NYAP1: variants seen among roughly 807,000 people sequenced by gnomAD.
NYAP1 encodes the protein neuronal tyrosine phosphorylated phosphoinositide-3-kinase adaptor 1, also known as neuronal tyrosine-phosphorylated phosphoinositide-3-kinase adapter 1.
In NYAP1, 20 loss-of-function variants were observed where a neutral mutation model predicts 58.6. The ratio of observed to expected loss-of-function variants is 0.34; its 90% CI spans 0.24 to 0.50. The LOEUF is 0.50. Ranked by LOEUF, NYAP1 falls within the 20% of genes least tolerant of loss-of-function variation. The probability of loss-of-function intolerance (pLI) is 0.98; values close to 1 mark genes in which losing one functional copy is unlikely to be tolerated. For synonymous variants in NYAP1, 572 were observed against 523.1 expected, an observed-to-expected ratio of 1.09 and a Z score of -1.27; for missense variants, 1,150 against 1,194.5, an observed-to-expected ratio of 0.96 and a Z score of 0.55.
chr7:100,484,674 C>T (rs943596920), intron 1 of NYAP1, among the ~76,000 whole-genome samples: 1 of 152,122 alleles, frequency 6.6e-6, no homozygotes, highest in Non-Finnish European at 1.5e-5. Context: ...GACCATCTCC[C>T]CTTTTCCCAG....
Position 100,488,998 on chromosome 7 carries a change from A to T in NYAP1, c.1277A>T (p.Asn426Ile). 6.3e-7 allele frequency: 1 copy of T among 1,576,174 alleles called. No individual in the cohort carries two copies. Among genetic ancestry groups the T allele is most frequent in the Non-Finnish European group, 8.6e-7 (1 of 1,168,732 alleles). ...CCCCGGGGGGAGCGGGAGCTCCCCA[A>T]CTCCCACAGCATGATCTGCCCTAAG... is the stretch of plus-strand genomic sequence containing the variant. The part of the protein sequence containing the change: ...GQPRGERELP[N>I]SHSMICPKAA... The change falls in exon 4 of 7, where the codon AAC becomes ATC. Residue 426 changes from asparagine (N) to isoleucine (I), a missense_variant. Transcript: ENST00000300179. The surrounding 1 kb of genome is among the most constrained non-coding windows in gnomAD (Gnocchi z 5.9).
chr7:100,493,789 C>T lies in NYAP1; in HGVS notation c.2412C>T (p.Cys804=). The stretch of plus-strand genomic sequence containing the variant: ...GCCACCGCCCGGACCGAGGCCTCTG[C>T]AAGCAGGAGAGCATGCCCATCCTCC... ...KARHRPDRGL[C]KQESMPILPS... Residue 804 remains cysteine, a synonymous_variant, in exon 7 of 7, where the codon TGC becomes TGT. Transcript: ENST00000300179. 1 of 1,604,248 alleles carries T rather than the reference C, an allele frequency of 6.2e-7. No homozygotes were observed. Among genetic ancestry groups the T allele is most frequent in the Non-Finnish European group, 8.5e-7 (1 of 1,177,738 alleles).
Position 100,487,228 on chromosome 7 carries a change from A to G in NYAP1, c.430+46A>G. 6.8e-7 allele frequency: 1 copy of G among 1,466,862 alleles called. No homozygotes were observed. 90.9% of individuals were successfully genotyped at this position (1,466,862 alleles called of 1,614,324 possible). ...CCCTGGGGTGGAGCTGGGAGCTGGG[A>G]GGATCTATTCCACGCCCGGGGAGGC... On this transcript the variant is annotated intron_variant, in intron 3 of 6. Transcript: ENST00000300179. The surrounding 1 kb of genome is among the most constrained non-coding windows in gnomAD (Gnocchi z 4.1).
chr7:100,490,658 G>A lies in NYAP1; in HGVS notation c.2087G>A (p.Gly696Glu), dbSNP rs1335382425. The change falls in exon 5 of 7, where the codon GGA (glycine) becomes GAA (glutamate). Residue 696 changes from glycine (G) to glutamate (E), a missense_variant. Transcript: ENST00000300179. The surrounding 1 kb of genome is among the most constrained non-coding windows in gnomAD (Gnocchi z 4.6). ...AEGLLARIHH[G>E]DRGGSRTALP... Reference sequence around the variant, plus strand: ...GGACTGCTGGCCAGGATCCACCATGGAGACCGAGGAGGGAGCCGCACCGCG... The same window carrying A: ...GGACTGCTGGCCAGGATCCACCATGAAGACCGAGGAGGGAGCCGCACCGCG... 2.6e-6 allele frequency: 4 copies of A among 1,565,244 alleles called. No homozygotes were observed. The highest frequency in any genetic ancestry group is 3.5e-6 in the Non-Finnish European group (4 of 1,155,340).
rs772931629 is a variant in NYAP1, at chr7:100,488,548, G to A, written c.827G>A (p.Arg276Gln). The part of the protein sequence containing the change: ...YPLPEEAGEG[R>Q]ANGPPPLTAT... Reference sequence around the variant, plus strand: ...CTGCCGGAAGAGGCTGGGGAAGGCCGGGCCAATGGCCCTCCACCATTGACG... The same window carrying A: ...CTGCCGGAAGAGGCTGGGGAAGGCCAGGCCAATGGCCCTCCACCATTGACG... Residue 276 changes from arginine (R) to glutamine (Q), a missense_variant, in exon 4 of 7, where the codon CGG becomes CAG. Physicochemically the swap from Arg to Gln is conservative, Grantham distance 43 (BLOSUM62 1). Transcript: ENST00000300179. The surrounding 1 kb of genome is among the most constrained non-coding windows in gnomAD (Gnocchi z 5.9). The A allele has an allele frequency of 6.8e-6, 11 of 1,611,820 alleles. No individual in the cohort carries two copies. Among genetic ancestry groups the A allele is most frequent in the East Asian group, 2.2e-5 (1 of 44,858 alleles).
rs772670701 is a variant in NYAP1 at position 100,486,781 on chromosome 7, G to A, written c.69-40G>A. On this transcript the variant is annotated intron_variant, in intron 2 of 6. Coordinates refer to ENST00000300179, the MANE Select transcript of NYAP1 (RefSeq NM_173564.4). The surrounding 1 kb of genome is among the most constrained non-coding windows in gnomAD (Gnocchi z 6.2). ...GTGGAGAAGGGGGATGCCCAGGTCC[G>A]AGGCCCTTCCTCCACTCCATCGTGG... is the stretch of plus-strand genomic sequence containing the variant. 4.0e-5 allele frequency: 57 copies of A among 1,425,968 alleles called. No individual in the cohort carries two copies. Among genetic ancestry groups the A allele is most frequent in the Middle Eastern group, 2.6e-4 (1 of 3,910 alleles). 88.3% of individuals were successfully genotyped at this position (1,425,968 alleles called of 1,614,324 possible).
chr7:100,491,611 AAAAG>A (rs1335498004), intron 6 of NYAP1, among the ~76,000 whole-genome samples: 23 of 151,906 alleles, frequency 1.5e-4, no homozygotes, highest in East Asian at 5.8e-4. Flanking sequence ...GAAAAAAAAA[AAAAG>A]AAAGAAAGGG....
rs368554898 is a variant in NYAP1 at position 100,488,601 on chromosome 7, G to C, written c.880G>C (p.Ala294Pro). ...TATSPPQQPHALPPHAHRRPA... is the reference protein window; with the variant it reads ...TATSPPQQPHPLPPHAHRRPA... ...AACATCCCCGCCACAACAGCCTCACGCCCTTCCGCCCCATGCCCACCGCCG... is the reference window on the plus strand; with the variant it reads ...AACATCCCCGCCACAACAGCCTCACCCCCTTCCGCCCCATGCCCACCGCCG... Residue 294 changes from alanine (A) to proline (P), a missense_variant, in exon 4 of 7, where the codon GCC (alanine) becomes CCC (proline). Transcript: ENST00000300179. The surrounding 1 kb of genome is among the most constrained non-coding windows in gnomAD (Gnocchi z 5.9). The C allele has an allele frequency of 6.2e-7, 1 of 1,610,506 alleles. No homozygotes were observed. The highest frequency in any genetic ancestry group is 1.7e-5 in the Admixed American group (1 of 59,728).
At position 100,489,430 on chromosome 7, in the gene NYAP1, G is replaced by A; in HGVS notation, c.1709G>A (p.Gly570Glu). 2 of 1,612,966 alleles carry A rather than the reference G, an allele frequency of 1.2e-6. No homozygotes were observed. Among genetic ancestry groups the A allele is most frequent in the Non-Finnish European group, 1.7e-6 (2 of 1,179,880 alleles). ...RPPAYESLKA[G>E]GVLNKGCGVG... ...CCTGCCTATGAGAGCCTCAAGGCTG[G>A]GGGGGTGCTGAATAAGGGCTGTGGT... The change falls in exon 4 of 7, where the codon GGG (glycine) becomes GAG (glutamate). Residue 570 changes from glycine to glutamate, a missense_variant. Coordinates refer to ENST00000300179, the MANE Select transcript of NYAP1 (RefSeq NM_173564.4).
In NYAP1 at chr7:100,490,442, G is replaced by A; in HGVS notation, c.1946-75G>A. The A allele has an allele frequency of 5.0e-6, 7 of 1,390,988 alleles. No homozygotes were observed. The highest frequency in any genetic ancestry group is 7.0e-6 in the Non-Finnish European group (7 of 1,001,296). 86.2% of individuals were successfully genotyped at this position (1,390,988 alleles called of 1,614,324 possible). On this transcript the variant is annotated intron_variant, in intron 4 of 6. Coordinates refer to ENST00000300179, the MANE Select transcript of NYAP1 (RefSeq NM_173564.4). This position sits in a 1 kb window ranked among gnomAD's most constrained non-coding sequence, Gnocchi z 4.6. ...TTGTGTCTCCTGGTCCACCCATACT[G>A]CAGCATGTGTGGCCAGAGGGACAGA...
In NYAP1 at chr7:100,488,875, C is replaced by T. The variant is rs750085796; in HGVS notation, c.1154C>T (p.Pro385Leu). ...VPARERETPP[P>L]PPPPPAANLL... ...GCACGGGAGCGGGAGACGCCTCCCC[C>T]ACCGCCTCCACCTCCTGCTGCCAAC... Residue 385 changes from proline (P) to leucine (L), a missense_variant, in exon 4 of 7, where the codon CCA becomes CTA. By Grantham distance (98) the Pro-to-Leu change is moderately conservative. Transcript: ENST00000300179. This position sits in a 1 kb window ranked among gnomAD's most constrained non-coding sequence, Gnocchi z 5.9. 2.5e-6 allele frequency: 4 copies of T among 1,599,138 alleles called. No homozygotes were observed. Among genetic ancestry groups the T allele is most frequent in the Non-Finnish European group, 3.4e-6 (4 of 1,175,070 alleles).
At position 100,493,888 on chromosome 7, in the gene NYAP1, G is replaced by T; in HGVS notation, c.2511G>T (p.Trp837Cys). 6.8e-7 allele frequency: 1 copy of T among 1,475,428 alleles called. No homozygotes were observed. 91.4% of individuals were successfully genotyped at this position (1,475,428 alleles called of 1,614,324 possible). The change falls in exon 7 of 7, where the codon TGG becomes TGT. Residue 837 changes from tryptophan (W) to cysteine (C), a missense_variant. Trp to Cys is a radical substitution (Grantham distance 215). Coordinates refer to ENST00000300179, the MANE Select transcript of NYAP1 (RefSeq NM_173564.4). The part of the protein sequence containing the change: ...PPCRRQHTVL[W>C]DTAI ...GCCGCCGGCAGCACACGGTCCTCTG[G>T]GACACCGCCATCTGAGGCGGGCGGG...
chr7:100,484,681 C>A (rs1799681672), intron 1 of NYAP1, among the ~76,000 whole-genome samples: 1 of 152,074 alleles, frequency 6.6e-6, no homozygotes, highest in African/African-American at 2.4e-5. Context: ...TCCCCTTTTC[C>A]CAGTGGGGTG....
At position 100,488,013 on chromosome 7, in the gene NYAP1, G is replaced by C. The variant is rs1171307096; in HGVS notation, c.431-139G>C. The C allele has an allele frequency of 3.2e-6, 2 of 618,582 alleles. No homozygotes were observed. Among genetic ancestry groups the C allele is most frequent in the Non-Finnish European group, 5.6e-6 (2 of 357,120 alleles). The allele number at this position is 618,582 out of a possible 1,614,324, so 38.3% of individuals were successfully genotyped here. On this transcript the variant is annotated intron_variant, in intron 3 of 6. Transcript: ENST00000300179. The surrounding 1 kb of genome is among the most constrained non-coding windows in gnomAD (Gnocchi z 5.9). ...AAAAAGAAATGAAGAAACCTCCTGG[G>C]GCTGTAAGTTGAGGAATGTGGGGAA... is the stretch of plus-strand genomic sequence containing the variant.
At position 100,488,123 on chromosome 7, in the gene NYAP1, T is replaced by C; in HGVS notation, c.431-29T>C. Reference sequence around the variant, plus strand: ...CTTGCTCCCCTCATTAAAAGCCTGGTTTATTTTTCTCTTTCTTGTCCTGTC... The same window carrying C: ...CTTGCTCCCCTCATTAAAAGCCTGGCTTATTTTTCTCTTTCTTGTCCTGTC... On this transcript the variant is annotated intron_variant, in intron 3 of 6. Coordinates refer to ENST00000300179, the MANE Select transcript of NYAP1 (RefSeq NM_173564.4). This position sits in a 1 kb window ranked among gnomAD's most constrained non-coding sequence, Gnocchi z 5.9. 6.6e-7 allele frequency: 1 copy of C among 1,521,386 alleles called. No individual in the cohort carries two copies. Among genetic ancestry groups the C allele is most frequent in the Non-Finnish European group, 8.8e-7 (1 of 1,133,616 alleles). 94.2% of individuals were successfully genotyped at this position (1,521,386 alleles called of 1,614,324 possible). A position where few individuals can be genotyped will look rare whatever the true frequency, so the allele number is the denominator to read the frequency against.
chr7:100,493,917 G>A lies in NYAP1; in HGVS notation c.*14G>A, dbSNP rs887853214. On this transcript the variant is annotated 3_prime_UTR_variant, in exon 7 of 7. Coordinates refer to ENST00000300179, the MANE Select transcript of NYAP1 (RefSeq NM_173564.4). The stretch of plus-strand genomic sequence containing the variant: ...ACCGCCATCTGAGGCGGGCGGGGGG[G>A]TACCGGGGCGCCTGGACTGGGGAGG... 1.1e-5 allele frequency: 15 copies of A among 1,427,076 alleles called. No individual in the cohort carries two copies. The highest frequency in any genetic ancestry group is 5.6e-5 in the Admixed American group (2 of 35,750). The allele number at this position is 1,427,076 out of a possible 1,614,324, so 88.4% of individuals were successfully genotyped here.
Position 100,488,840 on chromosome 7 carries a change from C to A in NYAP1, c.1119C>A (p.Pro373=). The change falls in exon 4 of 7, where the codon CCC becomes CCA. Residue 373 remains proline, a synonymous_variant. Coordinates refer to ENST00000300179, the MANE Select transcript of NYAP1 (RefSeq NM_173564.4). This position sits in a 1 kb window ranked among gnomAD's most constrained non-coding sequence, Gnocchi z 5.9. ...SKEPAGSTPA[P]QVPARERETP... ...AGCCAGCCGGCTCCACCCCAGCTCC[C>A]CAAGTGCCTGCACGGGAGCGGGAGA... 6.3e-7 allele frequency: 1 copy of A among 1,591,926 alleles called. No homozygotes were observed.
chr7:100,487,591 T>A lies in NYAP1; in HGVS notation c.430+409T>A, dbSNP rs1374906652. On this transcript the variant is annotated intron_variant, in intron 3 of 6. Coordinates refer to ENST00000300179, the MANE Select transcript of NYAP1 (RefSeq NM_173564.4). This position sits in a 1 kb window ranked among gnomAD's most constrained non-coding sequence, Gnocchi z 4.1. ...ATCTCAGCTCACTGCATCCTCCGCC[T>A]CCCAGGTTCAAGCAGTTCTCCTGCC... Among the ~76,000 whole-genome samples the A allele has an allele frequency of 6.6e-6, 1 of 151,910 alleles. No individual in the cohort carries two copies. The highest frequency in any genetic ancestry group is 1.9e-4 in the East Asian group (1 of 5,164).
At position 100,493,721 on chromosome 7, in the gene NYAP1, G is replaced by A. The variant is rs761836198; in HGVS notation, c.2344G>A (p.Val782Met). Reference protein sequence around the residue: ...ARERDGKLLEVIERKRCVCKE... With the variant: ...ARERDGKLLEMIERKRCVCKE... ...CGAGCGTGACGGGAAGCTGCTGGAG[G>A]TGATCGAGCGCAAGCGCTGCGTGTG... is the stretch of plus-strand genomic sequence containing the variant. The change falls in exon 7 of 7, where the codon GTG becomes ATG. Residue 782 changes from valine (V) to methionine (M), a missense_variant. Physicochemically the swap from Val to Met is conservative, Grantham distance 21. Coordinates refer to ENST00000300179, the MANE Select transcript of NYAP1 (RefSeq NM_173564.4). The A allele has an allele frequency of 3.7e-6, 6 of 1,601,988 alleles. No individual in the cohort carries two copies. In the South Asian group the frequency reaches 6.7e-5, roughly 18 times the overall value.
Sources: allele counts gnomAD v4.1 joint callset (sites outside exome capture counted in the v4.1 genomes callset), GRCh38; gene constraint gnomAD v4.1.1; non-coding constraint Gnocchi (gnomAD v3.1); transcripts MANE v1.5; gene names NCBI Gene and HGNC (gene_info 2026-07-23, HGNC 2026-07-21).